The following PCMTD1 variants were observed in gnomAD, a reference collection of about 807,000 sequenced individuals.
PCMTD1 encodes protein-L-isoaspartate O-methyltransferase domain-containing protein 1.
A neutral mutation model predicts 37.6 loss-of-function variants in PCMTD1; 12 were observed. That is an observed-to-expected ratio of 0.32 (90% CI 0.20 to 0.52). The LOEUF is 0.52. PCMTD1 is among the 20% of genes least tolerant of loss of function. The pLI is 0.97. For synonymous variants in PCMTD1, 117 were observed against 135.8 expected (o/e 0.86, Z 0.96); for missense variants, 235 against 421.3 (o/e 0.56, Z 3.87).
At chr8:51,834,001 C>CA (rs1040273314) in intron 3 of PCMTD1, among the ~76,000 whole-genome samples, 1 of 151,988 alleles carries the variant, frequency 6.6e-6, no homozygotes, top group Admixed American at 6.6e-5. Context: ...TGACACCCCC[C>CA]AAAATAACAT....
chr8:51,898,368 C>T (rs1452268747), intron 1 of PCMTD1, among the ~76,000 whole-genome samples: 1 of 152,138 alleles, frequency 6.6e-6, no homozygotes, highest in Non-Finnish European at 1.5e-5. Context: ...GTAGTAGACG[C>T]TCAAAAACAC....
At chr8:51,834,926 G>C (rs1221826857) in intron 3 of PCMTD1, among the ~76,000 whole-genome samples, 1 of 152,170 alleles carries the variant, frequency 6.6e-6, no homozygotes, top group Non-Finnish European at 1.5e-5. Flanking sequence ...CGCTAAGGCA[G>C]TCCATGCCCC....
intron 1 of PCMTD1, among the ~76,000 whole-genome samples, chr8:51,883,107 A>G (rs747187358): frequency 3.3e-5 from 5 of 152,168 alleles, no homozygotes; most frequent in Non-Finnish European, 5.9e-5. Context: ...ACTGGACTCC[A>G]GCCTGGGCGA....
chr8:51,856,990 G>C (rs2038399530), intron 2 of PCMTD1, among the ~76,000 whole-genome samples: 1 of 152,196 alleles, frequency 6.6e-6, no homozygotes, highest in African/African-American at 2.4e-5. Context: ...TACCTCATTA[G>C]AGGCAGAGCG....
At chr8:51,860,161 T>C (rs1030231540) in intron 2 of PCMTD1, among the ~76,000 whole-genome samples, 1 of 152,262 alleles carries the variant, frequency 6.6e-6, no homozygotes, top group Non-Finnish European at 1.5e-5. Context: ...TGCCTTCATT[T>C]ACTTGCCCAT....
At position 51,837,819 on chromosome 8, in the gene PCMTD1, G is replaced by A. The variant is rs188093091; in HGVS notation, c.411-4130C>T. Among the ~76,000 whole-genome samples, 4 of 152,196 alleles carry A rather than the reference G, an allele frequency of 2.6e-5. No homozygotes were observed. In the East Asian group the frequency reaches 7.7e-4, roughly 29 times the overall value. On this transcript the variant is annotated intron_variant, in intron 3 of 5. Transcript: ENST00000522514. ...TTTTGAGAAGGGGTCTTGCTTTGTT[G>A]CCCAGGCTGGAGTGCAGTGGTGCGA...
Position 51,830,778 on chromosome 8 carries a change from T to C in PCMTD1, c.706+666A>G, listed in dbSNP as rs2129275480. 1.3e-5 allele frequency among the ~76,000 whole-genome samples: 2 copies of C among 152,352 alleles called. 1 individual carries two copies. Among genetic ancestry groups the C allele is most frequent in the South Asian group, 4.1e-4 (2 of 4,834 alleles). ...GCCACTAAATCTTGATGTGGCAAGT[T>C]CTTTTATATCACTCTGGTCATAATT... On this transcript the variant is annotated intron_variant, in intron 5 of 5. Coordinates refer to ENST00000522514, the MANE Select transcript of PCMTD1 (RefSeq NM_052937.4).
chr8:51,899,080 C>G, upstream of PCMTD1: 1 of 1,491,620 alleles, frequency 6.7e-7, no homozygotes, highest in South Asian at 1.3e-5. Flanking sequence ...GCCAGAGCCT[C>G]CCGGACTCCG....
chr8:51,820,983 A>G (rs1225097433), intron 5 of PCMTD1, among the ~76,000 whole-genome samples: 1 of 152,222 alleles, frequency 6.6e-6, no homozygotes, highest in Non-Finnish European at 1.5e-5. Context: ...CTCTGGAAGC[A>G]TAAGAATTTG....
chr8:51,858,651 T>G (rs1461517611), intron 2 of PCMTD1, among the ~76,000 whole-genome samples: 1 of 152,248 alleles, frequency 6.6e-6, no homozygotes, highest in Non-Finnish European at 1.5e-5. Context: ...ATCATAGTTT[T>G]ACAGACTGTT....
chr8:51,873,504 A>G (rs896204078), intron 1 of PCMTD1, among the ~76,000 whole-genome samples: 1 of 152,206 alleles, frequency 6.6e-6, no homozygotes, highest in African/African-American at 2.4e-5. Context: ...AATCATAGTA[A>G]TGGTATAGGC....
chr8:51,828,615 G>C (rs2037955533), intron 5 of PCMTD1, among the ~76,000 whole-genome samples: 1 of 152,104 alleles, frequency 6.6e-6, no homozygotes, highest in East Asian at 1.9e-4. Context: ...CCTAAGTTGG[G>C]GACCATCTGC....
intron 5 of PCMTD1, among the ~76,000 whole-genome samples, chr8:51,828,814 G>C (rs1033257994): frequency 2.0e-5 from 3 of 152,162 alleles, no homozygotes; most frequent in African/African-American, 7.2e-5. Context: ...GAAAGAAATG[G>C]ATGTCCTGTA....
chr8:51,892,320 C>A (rs1274569410), intron 1 of PCMTD1, among the ~76,000 whole-genome samples: 1 of 152,196 alleles, frequency 6.6e-6, no homozygotes, highest in South Asian at 2.1e-4. Context: ...GAACTGCTAA[C>A]ACATGCAGGG....
At position 51,817,685 on chromosome 8, in the gene PCMTD1, C is replaced by A; in HGVS notation, c.*2666G>T. ...CATCTCAAACAGCTATAAATCAACA[C>A]ACTTTTTGTATTTTATTTTACTACT... On this transcript the variant is annotated 3_prime_UTR_variant, in exon 6 of 6. Coordinates refer to ENST00000522514, the MANE Select transcript of PCMTD1 (RefSeq NM_052937.4). 3.8e-6 allele frequency: 1 copy of A among 265,528 alleles called. No homozygotes were observed. The highest frequency in any genetic ancestry group is 3.8e-5 in the South Asian group (1 of 26,122). The allele number at this position is 265,528 out of a possible 1,614,324, so 16.4% of individuals were successfully genotyped here. A position where few individuals can be genotyped will look rare whatever the true frequency, so the allele number is the denominator to read the frequency against.
chr8:51,825,339 T>G (rs953954168), intron 5 of PCMTD1, among the ~76,000 whole-genome samples: 2 of 151,450 alleles, frequency 1.3e-5, no homozygotes, highest in African/African-American at 4.8e-5. Context: ...AACTTAAATT[T>G]ACAAGAAAAA....
chr8:51,820,739 C>A, intron 5 of PCMTD1, 21 bp from the exon 6 acceptor site: 3 of 1,557,322 alleles, frequency 1.9e-6, no homozygotes, highest in East Asian at 2.3e-5. Context: ...ACATAAAACG[C>A]AAGAAAGAAA....
intron 1 of PCMTD1, among the ~76,000 whole-genome samples, chr8:51,879,042 C>G (rs889579562): frequency 6.6e-6 from 1 of 152,052 alleles, no homozygotes; most frequent in African/African-American, 2.4e-5. Context: ...GGGAAGATTG[C>G]TTGAGCCTGG....
chr8:51,846,283 G>A (rs1223081500), intron 2 of PCMTD1, among the ~76,000 whole-genome samples: 1 of 152,156 alleles, frequency 6.6e-6, no homozygotes, highest in Non-Finnish European at 1.5e-5. Flanking sequence ...TGGGCAGCAT[G>A]CTGGACTTGA....
Sources: gnomAD v4.1 joint callset for allele counts (sites outside exome capture counted in the v4.1 genomes callset) on GRCh38, gnomAD v4.1.1 for gene constraint, MANE v1.5 for transcripts, NCBI Gene and HGNC (gene_info 2026-07-23, HGNC 2026-07-21) for gene names.